Variants in CDH12 observed in about 807,000 individuals in gnomAD.
CDH12 encodes the protein cadherin 12.
A neutral mutation model predicts 74.1 loss-of-function variants in CDH12; 41 were observed. That is an observed-to-expected ratio of 0.55 (90% CI 0.43 to 0.72). CDH12 has a LOEUF of 0.72. Ranked by LOEUF, CDH12 falls within the 30% of genes least tolerant of loss-of-function variation. The probability of loss-of-function intolerance (pLI) is 0.00; values close to 1 mark genes in which losing one functional copy is unlikely to be tolerated. For synonymous variants in CDH12, 399 were observed against 355.0 expected, an observed-to-expected ratio of 1.12 and a Z score of -1.39; for missense variants, 945 against 977.2, an observed-to-expected ratio of 0.97 and a Z score of 0.44.
chr5:22,572,876 A>G (rs1739607505), intron 1 of CDH12, among the ~76,000 whole-genome samples: 1 of 152,216 alleles, frequency 6.6e-6, no homozygotes, highest in Admixed American at 6.5e-5. Context: ...TCAGAGACAC[A>G]GCAGATGAAA....
intron 5 of CDH12, among the ~76,000 whole-genome samples, chr5:21,985,969 G>A (rs1256734614): frequency 6.6e-6 from 1 of 152,102 alleles, no homozygotes; most frequent in Non-Finnish European, 1.5e-5. Context: ...CTCTCCTGAG[G>A]TGACTCATTT....
At chr5:22,409,552 A>G (rs1282191351) in intron 2 of CDH12, among the ~76,000 whole-genome samples, 1 of 152,036 alleles carries the variant, frequency 6.6e-6, no homozygotes, top group East Asian at 1.9e-4. Context: ...CTCTAGAGTC[A>G]TAATACTTTT....
intron 6 of CDH12, among the ~76,000 whole-genome samples, chr5:21,953,738 TA>T (rs1755971856): frequency 6.6e-6 from 1 of 152,288 alleles, no homozygotes; most frequent in Non-Finnish European, 1.5e-5. Context: ...TACAGTGTGA[TA>T]ATGTTTTAAA....
chr5:22,275,975 GT>G (rs558965528), intron 3 of CDH12, among the ~76,000 whole-genome samples: 5 of 150,430 alleles, frequency 3.3e-5, no homozygotes, highest in South Asian at 2.1e-4. Flanking sequence ...CTATTAAAGG[GT>G]TTTTTTTTCA....
chr5:22,612,620 G>A (rs1737466308), intron 1 of CDH12, among the ~76,000 whole-genome samples: 2 of 152,076 alleles, frequency 1.3e-5, no homozygotes, highest in Non-Finnish European at 2.9e-5. Flanking sequence ...GTACTGTAAA[G>A]ATAAGGTGCT....
intron 1 of CDH12, among the ~76,000 whole-genome samples, chr5:22,632,516 GA>G (rs1272387612): frequency 6.6e-6 from 1 of 151,932 alleles, no homozygotes; most frequent in Non-Finnish European, 1.5e-5. Context: ...GAATTAAGAA[GA>G]ATAATAATTA....
chr5:22,092,842 A>G (rs1413206661), intron 4 of CDH12, among the ~76,000 whole-genome samples: 1 of 152,208 alleles, frequency 6.6e-6, no homozygotes, highest in African/African-American at 2.4e-5. Flanking sequence ...AACAGTGGAA[A>G]CAAATTACAT....
At chr5:22,041,764 G>A (rs989387442) in intron 5 of CDH12, among the ~76,000 whole-genome samples, 1 of 152,068 alleles carries the variant, frequency 6.6e-6, no homozygotes, top group Admixed American at 6.6e-5. Flanking sequence ...AGACAGAGAA[G>A]TAATGAGGAA....
At chr5:22,358,456 C>T (rs562279516) in intron 3 of CDH12, among the ~76,000 whole-genome samples, 13 of 152,050 alleles carry the variant, frequency 8.5e-5, no homozygotes, top group Non-Finnish European at 1.3e-4. Context: ...AAGCAGCCCC[C>T]ACTTTAAATG....
chr5:22,824,158 A>C (rs1749879362), intron 1 of CDH12, among the ~76,000 whole-genome samples: 1 of 152,206 alleles, frequency 6.6e-6, no homozygotes, highest in African/African-American at 2.4e-5. Flanking sequence ...TTTTCAATTC[A>C]TGTAGAGAAA....
intron 6 of CDH12, among the ~76,000 whole-genome samples, chr5:21,926,025 T>C (rs1754570256): frequency 6.6e-6 from 1 of 152,138 alleles, no homozygotes; most frequent in Non-Finnish European, 1.5e-5. Flanking sequence ...AAAATACACA[T>C]CTTGTCATCT....
chr5:22,619,889 ACT>A (rs1346475876), intron 1 of CDH12, among the ~76,000 whole-genome samples: 1 of 151,988 alleles, frequency 6.6e-6, no homozygotes, highest in East Asian at 1.9e-4. Context: ...AGTCTCAGAA[ACT>A]CAGTGTCAAT....
chr5:22,770,036 C>T (rs535997100), intron 1 of CDH12, among the ~76,000 whole-genome samples: 11 of 151,452 alleles, frequency 7.3e-5, no homozygotes, highest in East Asian at 1.9e-4. Flanking sequence ...TACTGGGTTG[C>T]GCTGACTTTT....
intron 1 of CDH12, among the ~76,000 whole-genome samples, chr5:22,518,215 T>C (rs538197489): frequency 2.6e-5 from 4 of 152,356 alleles, no homozygotes. Flanking sequence ...AAACATCACA[T>C]GTGAAGGTCC....
At chr5:21,807,179 A>G (rs1432248734) in intron 9 of CDH12, among the ~76,000 whole-genome samples, 1 of 152,108 alleles carries the variant, frequency 6.6e-6, no homozygotes, top group Non-Finnish European at 1.5e-5. Context: ...AACCAGTCCT[A>G]TGGCTCCCTG....
chr5:22,058,749 A>G (rs1740940804), intron 5 of CDH12, among the ~76,000 whole-genome samples: 1 of 149,186 alleles, frequency 6.7e-6, no homozygotes, highest in South Asian at 2.2e-4. Context: ...AAAAGGAAGG[A>G]AAGTGGAAGG....
At chr5:22,747,097 A>T (rs1393605784) in intron 1 of CDH12, among the ~76,000 whole-genome samples, 1 of 152,180 alleles carries the variant, frequency 6.6e-6, no homozygotes, top group South Asian at 2.1e-4. Flanking sequence ...CTTGAAAGTG[A>T]TGTGTACTTT....
chr5:22,551,778 G>A (rs566280550), intron 1 of CDH12, among the ~76,000 whole-genome samples: 4 of 145,992 alleles, frequency 2.7e-5, no homozygotes, highest in Admixed American at 7.7e-5. Context: ...TAACAGCTGT[G>A]CAAAAGAGAT....
intron 2 of CDH12, among the ~76,000 whole-genome samples, chr5:22,411,951 G>C (rs1339501860): frequency 6.6e-6 from 1 of 151,880 alleles, no homozygotes; most frequent in Non-Finnish European, 1.5e-5. Flanking sequence ...CTTCTCTAAA[G>C]GCATTCCTCG....
Sources: gnomAD v4.1 joint callset for allele counts (sites outside exome capture counted in the v4.1 genomes callset) on GRCh38, gnomAD v4.1.1 for gene constraint, MANE v1.5 for transcripts, NCBI Gene and HGNC (gene_info 2026-07-23, HGNC 2026-07-21) for gene names.